PRKG1: variants seen among roughly 807,000 people sequenced by gnomAD.
PRKG1 encodes protein kinase cGMP-dependent 1.
A neutral mutation model predicts 88.1 loss-of-function variants in PRKG1; 35 were observed. The observed-to-expected ratio is 0.40, with a 90% confidence interval of 0.30 to 0.53. The LOEUF (loss-of-function observed/expected upper bound fraction) is 0.53, where lower values mean the gene tolerates loss of function less well. Among genes scored for constraint, PRKG1 ranks in the 20% least tolerant of loss-of-function variants. PRKG1 has a pLI of 0.59. For synonymous variants in PRKG1, 303 were observed against 292.5 expected, an observed-to-expected ratio of 1.04 and a Z score of -0.37; for missense variants, 540 against 839.8, an observed-to-expected ratio of 0.64 and a Z score of 4.41.
At chr10:51,435,468 G>T (rs1393548177) in intron 2 of PRKG1, among the ~76,000 whole-genome samples, 2 of 138,214 alleles carry the variant, frequency 1.4e-5, no homozygotes, top group African/African-American at 2.8e-5. Context: ...ATATATATAT[G>T]GCAAAACATT....
intron 3 of PRKG1, among the ~76,000 whole-genome samples, chr10:51,605,409 A>G (rs778591668): frequency 4.6e-5 from 7 of 152,092 alleles, no homozygotes; most frequent in Non-Finnish European, 1.0e-4. Flanking sequence ...CTCTCGTATC[A>G]CTGTTACACA....
intron 10 of PRKG1, 95 bp downstream of exon 10, chr10:52,251,761 C>G (rs1203240054): frequency 3.9e-6 from 4 of 1,035,770 alleles, no homozygotes; most frequent in Non-Finnish European, 5.7e-6. Flanking sequence ...CTTGTTTTGT[C>G]TTTCATCATT....
chr10:52,183,990 G>A (rs1839117586), intron 9 of PRKG1, among the ~76,000 whole-genome samples: 1 of 152,192 alleles, frequency 6.6e-6, no homozygotes, highest in Non-Finnish European at 1.5e-5. Context: ...TAGAGGAGAT[G>A]AGGCTGCAGA....
At chr10:51,111,700 T>C (rs74131743) in intron 1 of PRKG1, among the ~76,000 whole-genome samples, 5,496 of 152,256 alleles carry the variant, frequency 0.036, 260 homozygotes, top group African/African-American at 0.11. Context: ...CTAAGGGACT[T>C]GACTTTCCAC....
At chr10:52,105,877 C>T (rs1156798864) in intron 7 of PRKG1, among the ~76,000 whole-genome samples, 1 of 151,578 alleles carries the variant, frequency 6.6e-6, no homozygotes, top group Non-Finnish European at 1.5e-5. Flanking sequence ...TACATGGATA[C>T]GTTCTTTAGT....
chr10:51,801,170 G>T (rs72799427), intron 3 of PRKG1, among the ~76,000 whole-genome samples: 12,173 of 152,074 alleles, frequency 0.08, 537 homozygotes, highest in Non-Finnish European at 0.092. Flanking sequence ...GTAAAGGGCT[G>T]GATAGGAAAT....
chr10:51,768,041 T>G (rs548699703), intron 3 of PRKG1, among the ~76,000 whole-genome samples: 464 of 152,122 alleles, frequency 3.1e-3, no homozygotes, highest in Non-Finnish European at 5.1e-3. Flanking sequence ...AAAAACGTTT[T>G]AAAATGCACT....
intron 2 of PRKG1, among the ~76,000 whole-genome samples, chr10:51,286,373 C>T (rs1840441669): frequency 1.3e-5 from 2 of 152,166 alleles, no homozygotes; most frequent in African/African-American, 4.8e-5. Context: ...GACTTCCCAT[C>T]ACAACATCCC....
At chr10:51,316,669 C>T (rs191117271) in intron 2 of PRKG1, among the ~76,000 whole-genome samples, 6 of 145,396 alleles carry the variant, frequency 4.1e-5, no homozygotes, top group African/African-American at 1.2e-4. Context: ...GCGACAAGAG[C>T]AAGACTCCGT....
chr10:51,254,311 T>C (rs12253122), intron 2 of PRKG1, among the ~76,000 whole-genome samples: 25,968 of 151,798 alleles, frequency 0.17, 4,059 homozygotes, highest in African/African-American at 0.42. Flanking sequence ...CTCATATTGT[T>C]ATCCAATGTA....
intron 3 of PRKG1, among the ~76,000 whole-genome samples, chr10:51,706,515 A>G (rs1045282145): frequency 2.0e-5 from 3 of 147,570 alleles, no homozygotes; most frequent in East Asian, 4.0e-4. Flanking sequence ...GTCCAGCCCA[A>G]TTTTTTTTTT....
intron 4 of PRKG1, among the ~76,000 whole-genome samples, chr10:51,846,186 T>C (rs1286190763): frequency 3.3e-5 from 5 of 152,176 alleles, no homozygotes; most frequent in African/African-American, 1.2e-4. Context: ...TACCTTCTCA[T>C]GTAGGTTGTG....
chr10:52,142,966 A>C (rs1206042995), intron 8 of PRKG1, among the ~76,000 whole-genome samples: 2 of 152,158 alleles, frequency 1.3e-5, no homozygotes, highest in African/African-American at 4.8e-5. Context: ...TATCTATTGA[A>C]ATGAACGAAT....
chr10:52,094,556 C>G (rs1847131460), intron 7 of PRKG1, among the ~76,000 whole-genome samples: 1 of 152,154 alleles, frequency 6.6e-6, no homozygotes, highest in Admixed American at 6.5e-5. Flanking sequence ...TTAGTCTGCT[C>G]AAGCTGTCAC....
intron 2 of PRKG1, among the ~76,000 whole-genome samples, chr10:51,462,231 A>G (rs1839766932): frequency 1.3e-5 from 2 of 152,292 alleles, no homozygotes; most frequent in Middle Eastern, 3.4e-3. Context: ...ATAGTCAATC[A>G]AGTTGTCCTG....
intron 2 of PRKG1, among the ~76,000 whole-genome samples, chr10:51,216,926 A>G (rs923863493): frequency 6.6e-6 from 1 of 152,316 alleles, no homozygotes; most frequent in South Asian, 2.1e-4. Flanking sequence ...TACAACTTGT[A>G]TACATGAGAA....
At chr10:51,819,560 C>T (rs570485993) in intron 4 of PRKG1, among the ~76,000 whole-genome samples, 6 of 152,274 alleles carry the variant, frequency 3.9e-5, no homozygotes, top group African/African-American at 1.2e-4. Context: ...TGTCCTGCTG[C>T]CATCCATGCC....
chr10:52,004,071 TTAAC>T (rs1844667831), intron 5 of PRKG1, among the ~76,000 whole-genome samples: 1 of 152,202 alleles, frequency 6.6e-6, no homozygotes, highest in African/African-American at 2.4e-5. Flanking sequence ...ATTCAATAAA[TTAAC>T]TATTCATATT....
chr10:52,205,127 A>G (rs1839784565), intron 9 of PRKG1, among the ~76,000 whole-genome samples: 1 of 152,084 alleles, frequency 6.6e-6, no homozygotes, highest in South Asian at 2.1e-4. Flanking sequence ...AGCCTGGTGA[A>G]TTCTAGTCAG....
Sources: allele counts gnomAD v4.1 joint callset (sites outside exome capture counted in the v4.1 genomes callset), GRCh38; gene constraint gnomAD v4.1.1; transcripts MANE v1.5; gene names NCBI Gene and HGNC (gene_info 2026-07-23, HGNC 2026-07-21).